The following CHLSN variants were observed in gnomAD, a reference collection of about 807,000 sequenced individuals.
CHLSN encodes cholesin, also known as protein cholesin.
the CHLSN span, among the ~76,000 whole-genome samples, chr7:979,823 C>T: frequency 3.9e-5 from 6 of 152,244 alleles, no homozygotes; most frequent in African/African-American, 1.4e-4. Context: ...CCAGGGGGCG[C>T]GCCCAGTCAC....
At chr7:1,126,358 TC>T in the CHLSN span, among the ~76,000 whole-genome samples, 1 of 26,234 alleles carries the variant, frequency 3.8e-5, no homozygotes, top group African/African-American at 1.8e-4. Context: ...AGACTCTGTC[TC>T]AAAAAAAAAA....
the CHLSN span, among the ~76,000 whole-genome samples, chr7:1,054,029 G>A: frequency 1.3e-5 from 2 of 152,138 alleles, no homozygotes; most frequent in African/African-American, 2.4e-5. Flanking sequence ...GTTTCCTCAC[G>A]CTCTGCTGAC....
the CHLSN span, among the ~76,000 whole-genome samples, chr7:1,136,463 A>T: frequency 5.3e-5 from 5 of 94,862 alleles, no homozygotes; most frequent in Admixed American, 1.1e-4. Context: ...AACATATATA[A>T]ACATATATAA....
At chr7:998,518 T>A in the CHLSN span, among the ~76,000 whole-genome samples, 2 of 143,004 alleles carry the variant, frequency 1.4e-5, no homozygotes, top group Non-Finnish European at 3.0e-5. Flanking sequence ...TGCAGTGCAG[T>A]GGCACGATCT....
chr7:1,023,251 C>T, the CHLSN span, among the ~76,000 whole-genome samples: 1 of 152,184 alleles, frequency 6.6e-6, no homozygotes, highest in East Asian at 1.9e-4. This position sits in a 1 kb window ranked among gnomAD's most constrained non-coding sequence, Gnocchi z 5.0. Flanking sequence ...ACGGGCTGAG[C>T]GCAAGTGATG....
At chr7:978,077 T>C in the CHLSN span, among the ~76,000 whole-genome samples, 1 of 152,214 alleles carries the variant, frequency 6.6e-6, no homozygotes, top group Non-Finnish European at 1.5e-5. Flanking sequence ...TAAGCCTCTC[T>C]GTCTGGGAGC....
chr7:1,093,680 G>T, the CHLSN span: 23 of 469,688 alleles, frequency 4.9e-5, no homozygotes, highest in East Asian at 1.4e-3. Context: ...TGTGGCTGAC[G>T]AATTTGTTTC....
At chr7:1,070,406 C>T in the CHLSN span, among the ~76,000 whole-genome samples, 3,684 of 145,312 alleles carry the variant, frequency 0.025, 281 homozygotes, top group Non-Finnish European at 0.032. Context: ...AGGTGAGGGG[C>T]GCCTCTGCCC....
chr7:1,013,319 T>C, the CHLSN span, among the ~76,000 whole-genome samples: 1 of 152,204 alleles, frequency 6.6e-6, no homozygotes, highest in African/African-American at 2.4e-5. Flanking sequence ...CACATAGAGC[T>C]CCCAAAGTTG....
chr7:1,062,472 C>T, the CHLSN span, among the ~76,000 whole-genome samples: 1 of 152,234 alleles, frequency 6.6e-6, no homozygotes, highest in Non-Finnish European at 1.5e-5. Flanking sequence ...CCACTTCACA[C>T]ACGCCCGGCA....
chr7:1,015,203 G>T, the CHLSN span, among the ~76,000 whole-genome samples: 1 of 152,158 alleles, frequency 6.6e-6, no homozygotes, highest in African/African-American at 2.4e-5. Context: ...TTGTTTGGGG[G>T]GGCTGAGGGG....
At chr7:1,053,903 G>A in the CHLSN span, among the ~76,000 whole-genome samples, 1 of 152,242 alleles carries the variant, frequency 6.6e-6, no homozygotes, top group African/African-American at 2.4e-5. Flanking sequence ...CAGCCTGCAG[G>A]CAGGAGACTC....
At chr7:984,835 G>C in the CHLSN span, 1 of 1,388,190 alleles carries the variant, frequency 7.2e-7, no homozygotes, top group Non-Finnish European at 9.7e-7. Flanking sequence ...GGGGATGGGG[G>C]TGAGGGCCCA....
chr7:1,091,828 T>A, the CHLSN span: 1,437 of 1,605,468 alleles, frequency 9.0e-4, 12 homozygotes, highest in Non-Finnish European at 2.2e-4. Flanking sequence ...GCTCAACCTG[T>A]CCCACCCGCT....
the CHLSN span, chr7:988,650 T>C: frequency 2.5e-6 from 4 of 1,601,906 alleles, no homozygotes; most frequent in African/African-American, 1.3e-5. Flanking sequence ...CGCGTCTGTG[T>C]TGGGGAGCGC....
the CHLSN span, among the ~76,000 whole-genome samples, chr7:1,123,683 T>C: frequency 1.3e-5 from 2 of 151,838 alleles, no homozygotes; most frequent in Non-Finnish European, 2.9e-5. The surrounding 1 kb of genome is among the most constrained non-coding windows in gnomAD (Gnocchi z 4.4). Flanking sequence ...CCCATTTCAC[T>C]GGGAGACTGG....
At chr7:1,015,131 T>C in the CHLSN span, among the ~76,000 whole-genome samples, 3,204 of 152,204 alleles carry the variant, frequency 0.021, 111 homozygotes, top group African/African-American at 0.073. Context: ...TCCCCAGCCG[T>C]GGCCTCACAC....
At chr7:1,048,348 A>C in the CHLSN span, among the ~76,000 whole-genome samples, 1 of 152,052 alleles carries the variant, frequency 6.6e-6, no homozygotes, top group Non-Finnish European at 1.5e-5. Flanking sequence ...TTGTGAAACT[A>C]ATTCAGCCAC....
the CHLSN span, among the ~76,000 whole-genome samples, chr7:1,032,641 C>T: frequency 6.6e-6 from 1 of 150,920 alleles, no homozygotes; most frequent in African/African-American, 2.4e-5. Context: ...TCCAGGCACC[C>T]CCAGGTGACA....
Sources: allele counts gnomAD v4.1 joint callset (sites outside exome capture counted in the v4.1 genomes callset), GRCh38; gene constraint gnomAD v4.1.1; non-coding constraint Gnocchi (gnomAD v3.1); transcripts MANE v1.5; gene names NCBI Gene and HGNC (gene_info 2026-07-23, HGNC 2026-07-21).